TMEM117: variants seen among roughly 807,000 people sequenced by gnomAD.
TMEM117 encodes transmembrane protein 117.
A neutral mutation model predicts 52.4 loss-of-function variants in TMEM117; 27 were observed. The ratio of observed to expected loss-of-function variants is 0.51; its 90% CI spans 0.38 to 0.71. The LOEUF is 0.71. Among genes scored for constraint, TMEM117 ranks in the 30% least tolerant of loss-of-function variants. The pLI, the probability that TMEM117 is intolerant of heterozygous loss-of-function variation, is 0.00. For synonymous variants in TMEM117, 215 were observed against 206.3 expected (o/e 1.04, Z -0.36); for missense variants, 556 against 630.5 (o/e 0.88, Z 1.26).
chr12:44,097,528 T>C (rs1466792393), intron 3 of TMEM117, among the ~76,000 whole-genome samples: 1 of 151,992 alleles, frequency 6.6e-6, no homozygotes, highest in Admixed American at 6.6e-5. Context: ...TGGAATACTA[T>C]GCAGCCATAA....
intron 4 of TMEM117, among the ~76,000 whole-genome samples, chr12:44,160,887 G>A (rs1948889765): frequency 6.6e-6 from 1 of 152,174 alleles, no homozygotes; most frequent in Admixed American, 6.5e-5. Context: ...AATTACAATA[G>A]TAATATACAA....
chr12:44,378,650 A>C (rs962048342), intron 7 of TMEM117, among the ~76,000 whole-genome samples: 1 of 152,180 alleles, frequency 6.6e-6, no homozygotes, highest in African/African-American at 2.4e-5. Context: ...ACTACATATT[A>C]ATCTGGTTTG....
the TMEM117 span, among the ~76,000 whole-genome samples, chr12:43,815,064 T>G: frequency 1.3e-5 from 2 of 152,120 alleles, no homozygotes; most frequent in Admixed American, 1.3e-4. Flanking sequence ...AATCTTACCC[T>G]GTCACTTGCC....
intron 2 of TMEM117, among the ~76,000 whole-genome samples, chr12:43,911,846 A>G (rs1037866392): frequency 6.6e-6 from 1 of 151,226 alleles, no homozygotes; most frequent in African/African-American, 2.4e-5. Context: ...GTCAGGAAAG[A>G]ACAGGTGCTG....
At chr12:44,026,754 A>G (rs1013319474) in intron 3 of TMEM117, among the ~76,000 whole-genome samples, 7 of 152,194 alleles carry the variant, frequency 4.6e-5, no homozygotes, top group Admixed American at 3.9e-4. Context: ...TAGTACAAAA[A>G]CTTTCAAATA....
chr12:44,174,850 C>T (rs1246899614), intron 4 of TMEM117, among the ~76,000 whole-genome samples: 3 of 151,974 alleles, frequency 2.0e-5, no homozygotes, highest in South Asian at 2.1e-4. Flanking sequence ...TAAAACCTCT[C>T]GAAAAAAGTG....
intron 6 of TMEM117, among the ~76,000 whole-genome samples, chr12:44,311,869 A>ATATATGTG (rs1339231056): frequency 4.3e-5 from 3 of 70,234 alleles, no homozygotes; most frequent in African/African-American, 1.9e-4. Flanking sequence ...ATATATATGT[A>ATATATGTG]TATATATGTA....
At chr12:44,248,231 G>T (rs546370461) in intron 5 of TMEM117, among the ~76,000 whole-genome samples, 1 of 152,204 alleles carries the variant, frequency 6.6e-6, no homozygotes, top group Admixed American at 6.5e-5. Flanking sequence ...CAGCCCCAAG[G>T]CTTCCATTAT....
chr12:43,936,681 AG>A (rs1457882890), intron 2 of TMEM117, among the ~76,000 whole-genome samples: 1 of 152,226 alleles, frequency 6.6e-6, no homozygotes, highest in Non-Finnish European at 1.5e-5. Context: ...AACCCAAGGA[AG>A]TAGTATCAAA....
In TMEM117 at chr12:44,158,939, A is replaced by G. The variant is rs114425703; in HGVS notation, c.510+15315A>G. Among the ~76,000 whole-genome samples the G allele has an allele frequency of 8.8e-3, 1,333 of 152,256 alleles. 13 individuals are homozygous for G. Among genetic ancestry groups the G allele is most frequent in the African/African-American group, 0.03 (1,235 of 41,552 alleles). ...GGCAGATTGTAGCTAATGTGCAAGT[A>G]GAGAAGAAAGGTGAGGAGGAGCAAG... On this transcript the variant is annotated intron_variant, in intron 4 of 7. Coordinates refer to ENST00000266534, the MANE Select transcript of TMEM117 (RefSeq NM_032256.3).
chr12:44,169,414 C>T (rs1227059846), intron 4 of TMEM117, among the ~76,000 whole-genome samples: 2 of 152,102 alleles, frequency 1.3e-5, no homozygotes, highest in Non-Finnish European at 2.9e-5. Context: ...CGTGTCTCTT[C>T]ATGGTTTTGA....
intron 3 of TMEM117, among the ~76,000 whole-genome samples, chr12:44,125,735 G>C (rs1348490419): frequency 6.6e-6 from 1 of 151,876 alleles, no homozygotes; most frequent in African/African-American, 2.4e-5. Context: ...TCTGATCTTG[G>C]TTATTTCTTG....
chr12:44,317,761 G>A lies in TMEM117; in HGVS notation c.768+18022G>A, dbSNP rs192281348. ...CACTTATGGGTAAAAGTCAGCTCTG[G>A]CCAACGTGAACGGGTATATATTTCA... On this transcript the variant is annotated intron_variant, in intron 6 of 7. Transcript: ENST00000266534. Among the ~76,000 whole-genome samples the A allele has an allele frequency of 2.0e-5, 3 of 152,266 alleles. No individual in the cohort carries two copies. The East Asian group carries it at 5.8e-4, about 29-fold the overall frequency.
At chr12:44,209,730 C>T (rs906699923) in intron 4 of TMEM117, among the ~76,000 whole-genome samples, 1 of 152,076 alleles carries the variant, frequency 6.6e-6, no homozygotes, top group Non-Finnish European at 1.5e-5. Context: ...ATCTTGGGAA[C>T]TCTATTCCTA....
chr12:44,226,501 A>ATGTGTGTGTGTGTGTGTG (rs56709250), intron 5 of TMEM117, among the ~76,000 whole-genome samples: 2,660 of 149,242 alleles, frequency 0.018, 48 homozygotes, highest in Admixed American at 0.026. Flanking sequence ...AAATATATAT[A>ATGTGTGTGTGTGTGTGTG]TGTGTGTGTG....
chr12:43,966,329 C>T (rs2137677004), intron 3 of TMEM117, among the ~76,000 whole-genome samples: 1 of 152,204 alleles, frequency 6.6e-6, no homozygotes, highest in East Asian at 1.9e-4. Flanking sequence ...AAAACTATAA[C>T]ATAAATAAAT....
intron 3 of TMEM117, among the ~76,000 whole-genome samples, chr12:44,021,544 T>C (rs938815603): frequency 1.3e-5 from 2 of 152,210 alleles, no homozygotes; most frequent in South Asian, 2.1e-4. Flanking sequence ...CAAACTCAAA[T>C]TCTTACACAT....
At chr12:43,833,215 G>C (rs1249294227), upstream of TMEM117, among the ~76,000 whole-genome samples, 1 of 152,154 alleles carries the variant, frequency 6.6e-6, no homozygotes, top group Non-Finnish European at 1.5e-5. Flanking sequence ...GAGATCTAAA[G>C]GTCTAAAGGT....
chr12:44,136,118 A>C (rs914780473), intron 3 of TMEM117, among the ~76,000 whole-genome samples: 1 of 152,176 alleles, frequency 6.6e-6, no homozygotes, highest in Non-Finnish European at 1.5e-5. Context: ...ATTTTATTTA[A>C]CATTAAAATG....
Sources: gnomAD v4.1 joint callset for allele counts (sites outside exome capture counted in the v4.1 genomes callset) on GRCh38, gnomAD v4.1.1 for gene constraint, MANE v1.5 for transcripts, NCBI Gene and HGNC (gene_info 2026-07-23, HGNC 2026-07-21) for gene names.